Variants in PACSIN1 observed in about 807,000 individuals in gnomAD.
PACSIN1 encodes the protein protein kinase C and casein kinase substrate in neurons protein 1.
In PACSIN1, 15 loss-of-function variants were observed where a neutral mutation model predicts 59.5. That is an observed-to-expected ratio of 0.25 (90% CI 0.17 to 0.39). The LOEUF (loss-of-function observed/expected upper bound fraction) is 0.39. Among genes scored for constraint, PACSIN1 ranks in the 10% least tolerant of loss-of-function variants. The pLI, the probability that PACSIN1 is intolerant of heterozygous loss-of-function variation, is 1.00. For synonymous variants in PACSIN1, 210 were observed against 220.6 expected (o/e 0.95, Z 0.42); for missense variants, 420 against 580.2 (o/e 0.72, Z 2.84).
At chr6:34,527,204 G>C in intron 2 of PACSIN1, 128 bp from the exon 3 acceptor site, 4 of 945,302 alleles carry the variant, frequency 4.2e-6, no homozygotes, top group Non-Finnish European at 5.7e-6. Flanking sequence ...GGGGGCGGGG[G>C]CGGGGACGGC....
chr6:34,505,270 A>G (rs73405701), intron 1 of PACSIN1, among the ~76,000 whole-genome samples: 1,572 of 151,518 alleles, frequency 0.01, 25 homozygotes, highest in African/African-American at 0.036. Flanking sequence ...AGATTTTTTC[A>G]TTGTCTTTAG....
intron 1 of PACSIN1, among the ~76,000 whole-genome samples, chr6:34,473,105 A>C (rs1766594262): frequency 6.6e-6 from 1 of 150,442 alleles, no homozygotes. Context: ...TCGTCGAGGA[A>C]TGGGGATAAT....
In PACSIN1 at chr6:34,531,199, A is replaced by G. The variant is rs956142550; in HGVS notation, c.1038-401A>G. 2.6e-5 allele frequency among the ~76,000 whole-genome samples: 4 copies of G among 152,150 alleles called. No individual in the cohort carries two copies. The highest frequency in any genetic ancestry group is 5.9e-5 in the Non-Finnish European group (4 of 68,030). Reference sequence around the variant, plus strand: ...CATGCTCAAGTGCGTAAATATTACCATTTTACAGATGGAGAAACTGAAACC... The same window carrying G: ...CATGCTCAAGTGCGTAAATATTACCGTTTTACAGATGGAGAAACTGAAACC... On this transcript the variant is annotated intron_variant, in intron 8 of 9. Coordinates refer to ENST00000244458, the MANE Select transcript of PACSIN1 (RefSeq NM_020804.5). The surrounding 1 kb of genome is among the most constrained non-coding windows in gnomAD (Gnocchi z 4.4).
intron 1 of PACSIN1, among the ~76,000 whole-genome samples, chr6:34,472,876 G>A (rs963786243): frequency 2.0e-5 from 3 of 152,180 alleles, no homozygotes; most frequent in Non-Finnish European, 4.4e-5. Context: ...AGGAGGGGCC[G>A]GGGATCCCTG....
intron 1 of PACSIN1, among the ~76,000 whole-genome samples, chr6:34,476,304 G>A (rs1340121105): frequency 6.6e-6 from 1 of 152,198 alleles, no homozygotes; most frequent in African/African-American, 2.4e-5. Context: ...AGGCTACAGA[G>A]GGACTTGCAG....
At chr6:34,476,154 C>T (rs1027141926) in intron 1 of PACSIN1, among the ~76,000 whole-genome samples, 3 of 152,282 alleles carry the variant, frequency 2.0e-5, no homozygotes, top group South Asian at 2.1e-4. Context: ...CCGCCACCAC[C>T]GTGGTTACCC....
At chr6:34,528,592 C>A (rs780225978) in intron 3 of PACSIN1, 50 bp from the exon 4 acceptor site, 5 of 1,344,924 alleles carry the variant, frequency 3.7e-6, no homozygotes, top group Admixed American at 1.7e-5. Context: ...TGAGGGGGGG[C>A]CTCTGGGCAG....
intron 1 of PACSIN1, among the ~76,000 whole-genome samples, chr6:34,512,545 G>A (rs140979817): frequency 0.018 from 2,691 of 152,260 alleles, 38 homozygotes; most frequent in Non-Finnish European, 0.029. Context: ...CTTGGGCGCC[G>A]GGAGTCCCCA....
intron 1 of PACSIN1, among the ~76,000 whole-genome samples, chr6:34,471,043 T>G (rs1398069239): frequency 6.6e-6 from 1 of 152,074 alleles, no homozygotes; most frequent in African/African-American, 2.4e-5. Flanking sequence ...CCTCCCAGGT[T>G]CAAGTGATTC....
At chr6:34,490,443 CTA>C (rs1407825600) in intron 1 of PACSIN1, among the ~76,000 whole-genome samples, 1 of 152,064 alleles carries the variant, frequency 6.6e-6, no homozygotes, top group Non-Finnish European at 1.5e-5. Flanking sequence ...GACACAGAGT[CTA>C]TGAACCATTT....
intron 1 of PACSIN1, among the ~76,000 whole-genome samples, chr6:34,511,863 T>C (rs1767208340): frequency 6.6e-6 from 1 of 151,856 alleles, no homozygotes. Flanking sequence ...ATGAATGCTG[T>C]TGGGGAGCTG....
chr6:34,482,953 C>T (rs535722099), intron 1 of PACSIN1, among the ~76,000 whole-genome samples: 1 of 148,568 alleles, frequency 6.7e-6, no homozygotes, highest in East Asian at 2.0e-4. Context: ...TCCCAAAGTG[C>T]TGGGATTACA....
At chr6:34,526,487 C>A in intron 2 of PACSIN1, 119 bp downstream of exon 2, 3 of 778,946 alleles carry the variant, frequency 3.9e-6, no homozygotes, top group African/African-American at 1.7e-5. Flanking sequence ...CAGGCCCCTC[C>A]AAAGCCCTGG....
intron 1 of PACSIN1, among the ~76,000 whole-genome samples, chr6:34,486,933 G>C (rs1766802627): frequency 6.6e-6 from 1 of 151,238 alleles, no homozygotes; most frequent in Non-Finnish European, 1.5e-5. Flanking sequence ...TTGGGAGGCT[G>C]AGGCAGCCAA....
chr6:34,526,159 C>A, intron 1 of PACSIN1, 84 bp from the exon 2 acceptor site: 1 of 625,248 alleles, frequency 1.6e-6, no homozygotes. Flanking sequence ...TGGGTCCCAT[C>A]GGTTTGGGGA....
At chr6:34,524,509 T>C (rs1230607696) in intron 1 of PACSIN1, among the ~76,000 whole-genome samples, 2 of 152,210 alleles carry the variant, frequency 1.3e-5, no homozygotes, top group Non-Finnish European at 2.9e-5. Context: ...TTATGTATTT[T>C]CCCCAGCCAC....
chr6:34,520,296 G>C (rs1009587633), intron 1 of PACSIN1, among the ~76,000 whole-genome samples: 1 of 152,228 alleles, frequency 6.6e-6, no homozygotes, highest in Non-Finnish European at 1.5e-5. Flanking sequence ...GGCGAGGAGT[G>C]GGTTGGGGGG....
rs1417986185 is a variant in PACSIN1, at chr6:34,533,283, C to T, written c.*753C>T. On this transcript the variant is annotated 3_prime_UTR_variant, in exon 10 of 10. Coordinates refer to ENST00000244458, the MANE Select transcript of PACSIN1 (RefSeq NM_020804.5). Reference sequence around the variant, plus strand: ...CATCTGAGGGACCAAGACGCTGTTACGCAGGCCCTTCTTTCCAGCTATCAG... The same window carrying T: ...CATCTGAGGGACCAAGACGCTGTTATGCAGGCCCTTCTTTCCAGCTATCAG... 1 of 152,296 alleles carries T rather than the reference C, an allele frequency of 6.6e-6. No individual in the cohort carries two copies. Among genetic ancestry groups the T allele is most frequent in the African/African-American group, 2.4e-5 (1 of 41,450 alleles). The allele number at this position is 152,296 out of a possible 1,614,324, so 9.4% of individuals were successfully genotyped here. A position where few individuals can be genotyped will look rare whatever the true frequency, so the allele number is the denominator to read the frequency against.
At chr6:34,482,901 G>A (rs2127246426) in intron 1 of PACSIN1, among the ~76,000 whole-genome samples, 1 of 151,522 alleles carries the variant, frequency 6.6e-6, no homozygotes, top group Middle Eastern at 3.4e-3. Flanking sequence ...TGGCCAGGCT[G>A]GTCTTGAACT....
Sources: gnomAD v4.1 joint callset for allele counts (sites outside exome capture counted in the v4.1 genomes callset) on GRCh38, gnomAD v4.1.1 for gene constraint, Gnocchi (gnomAD v3.1) non-coding constraint, MANE v1.5 for transcripts, NCBI Gene and HGNC (gene_info 2026-07-23, HGNC 2026-07-21) for gene names.